Variants in STAB2 observed in about 807,000 individuals in gnomAD.
STAB2 encodes stabilin-2.
In STAB2, 288 loss-of-function variants were observed where a neutral mutation model predicts 338.1. The observed-to-expected ratio is 0.85, with a 90% CI of 0.77 to 0.94. The LOEUF is 0.94. STAB2 is among the 40% of genes least tolerant of loss of function. The pLI is 0.00. For missense variants in STAB2, 3,141 were observed against 3,210.1 expected, an observed-to-expected ratio of 0.98 and a Z score of 0.52; for synonymous variants, 1,202 against 1,193.3, an observed-to-expected ratio of 1.01 and a Z score of -0.15.
At chr12:103,609,311 A>G (rs1386026632) in intron 3 of STAB2, among the ~76,000 whole-genome samples, 1 of 152,178 alleles carries the variant, frequency 6.6e-6, no homozygotes, top group Non-Finnish European at 1.5e-5. Flanking sequence ...GATTCTTCCT[A>G]CCCATGAGCA....
chr12:103,765,434 G>GT (rs1884869315), intron 68 of STAB2, among the ~76,000 whole-genome samples: 1 of 152,194 alleles, frequency 6.6e-6, no homozygotes, highest in African/African-American at 2.4e-5. Context: ...ACTATTTTTA[G>GT]TGACTCCAGA....
chr12:103,603,503 T>C (rs890977124), intron 3 of STAB2, among the ~76,000 whole-genome samples: 4 of 152,238 alleles, frequency 2.6e-5, no homozygotes, highest in Non-Finnish European at 5.9e-5. Context: ...CTTTGGACCA[T>C]CGTAGAAAAT....
At chr12:103,725,778 A>T (rs1004653849) in intron 45 of STAB2, among the ~76,000 whole-genome samples, 5 of 152,242 alleles carry the variant, frequency 3.3e-5, no homozygotes, top group African/African-American at 1.2e-4. Flanking sequence ...GGCTGATCAA[A>T]TATTGTTACT....
chr12:103,683,331 TAAAAAAA>T lies in STAB2; in HGVS notation c.2901+41_2901+47del, dbSNP rs59684257. 4.2e-6 allele frequency: 5 copies of T among 1,198,082 alleles called. No homozygotes were observed. In the African/African-American group the frequency reaches 4.9e-5, roughly 12 times the overall value. 74.2% of individuals were successfully genotyped at this position (1,198,082 alleles called of 1,614,324 possible). ...TTATTTAACCTTGTTTTTCATTACT[TAAAAAAA>T]AAAAAAAAACAATGCTTGAGAAAGA... On this transcript the variant is annotated intron_variant, in intron 26 of 68. Coordinates refer to ENST00000388887, the MANE Select transcript of STAB2 (RefSeq NM_017564.10).
At chr12:103,601,579 G>A (rs944269609) in intron 3 of STAB2, among the ~76,000 whole-genome samples, 5 of 152,194 alleles carry the variant, frequency 3.3e-5, no homozygotes, top group African/African-American at 7.2e-5. Flanking sequence ...GTGACAGAGC[G>A]AGACTCCATG....
At chr12:103,651,125 T>C (rs540497554) in intron 11 of STAB2, among the ~76,000 whole-genome samples, 3 of 152,260 alleles carry the variant, frequency 2.0e-5, no homozygotes, top group South Asian at 2.1e-4. Context: ...GGTGGAGGCG[T>C]CCTATCGAGA....
Position 103,737,759 on chromosome 12 carries a change from C to T in STAB2, c.5676C>T (p.Thr1892=). The T allele has an allele frequency of 1.2e-6, 2 of 1,613,846 alleles. No individual in the cohort carries two copies. The highest frequency in any genetic ancestry group is 2.2e-5 in the East Asian group (1 of 44,884). Residue 1892 remains threonine (T), a synonymous_variant, in exon 53 of 69, where the codon ACC becomes ACT. Coordinates refer to ENST00000388887, the MANE Select transcript of STAB2 (RefSeq NM_017564.10). ...CCACCCTGGGGGGCCGCTGTGACAC[C>T]TTTACTACTTTCGATGCCTCGGTCA... The part of the protein sequence containing the change: ...IDPTLGGRCD[T]FTTFDASGEC...
chr12:103,755,395 G>T lies in STAB2; in HGVS notation c.6808G>T (p.Val2270Phe). 6.2e-7 allele frequency: 1 copy of T among 1,614,158 alleles called. No individual in the cohort carries two copies. Among genetic ancestry groups the T allele is most frequent in the Middle Eastern group, 1.6e-4 (1 of 6,062 alleles). ...FASQNCGSGV[V>F]GIVDYGPRPN... ...CTCCCAGAACTGTGGCTCTGGTGTGGTTGGGATAGTGGACTATGGACCTAG... is the reference window on the plus strand; with the variant it reads ...CTCCCAGAACTGTGGCTCTGGTGTGTTTGGGATAGTGGACTATGGACCTAG... Residue 2270 changes from valine (V) to phenylalanine (F), a missense_variant, in exon 62 of 69, where the codon GTT becomes TTT. By Grantham distance (50) the Val-to-Phe change is conservative. Transcript: ENST00000388887.
At chr12:103,670,886 C>A in intron 22 of STAB2, 79 bp downstream of exon 22, 2 of 1,213,280 alleles carry the variant, frequency 1.6e-6, no homozygotes, top group Non-Finnish European at 2.4e-6. Flanking sequence ...TGGTGCAGGG[C>A]TGGTGTCTCA....
intron 60 of STAB2, among the ~76,000 whole-genome samples, chr12:103,751,002 G>A (rs1257276597): frequency 3.9e-5 from 6 of 152,344 alleles, no homozygotes; most frequent in African/African-American, 1.2e-4. Context: ...TGAGGAAAGC[G>A]AAAAGCCACA....
Position 103,699,149 on chromosome 12 carries a change from T to A in STAB2, c.3636T>A (p.Asn1212Lys). The change falls in exon 34 of 69, where the codon AAT becomes AAA. Residue 1212 changes from asparagine (N) to lysine (K), a missense_variant. Coordinates refer to ENST00000388887, the MANE Select transcript of STAB2 (RefSeq NM_017564.10). ...HVVLEEKLLK[N>K]DLHNGMHRET... ...TCCTGGAGGAGAAACTCCTGAAGAA[T>A]GACCTGCACAATGGCATGCATCGTG... 1 of 1,613,508 alleles carries A rather than the reference T, an allele frequency of 6.2e-7. No individual in the cohort carries two copies. The highest frequency in any genetic ancestry group is 8.5e-7 in the Non-Finnish European group (1 of 1,179,546).
rs915526416 is a variant in STAB2, at chr12:103,637,222, G to A, written c.695G>A (p.Gly232Asp). The A allele has an allele frequency of 1.9e-6, 3 of 1,611,172 alleles. No homozygotes were observed. Among genetic ancestry groups the A allele is most frequent in the South Asian group, 2.2e-5 (2 of 90,472 alleles). ...TGCCTTCCCAATTACCGAGGCGATG[G>A]CAAATACTGCGACCGTGAGTAGAAT... ...CKCLPNYRGDGKYCDPINPCL... is the reference protein window; with the variant it reads ...CKCLPNYRGDDKYCDPINPCL... Residue 232 changes from glycine to aspartate, a missense_variant, in exon 7 of 69, where the codon GGC (glycine) becomes GAC (aspartate). Coordinates refer to ENST00000388887, the MANE Select transcript of STAB2 (RefSeq NM_017564.10).
intron 51 of STAB2, among the ~76,000 whole-genome samples, chr12:103,734,967 T>C (rs1235343498): frequency 6.6e-6 from 1 of 152,210 alleles, no homozygotes; most frequent in Non-Finnish European, 1.5e-5. Context: ...TCACGTAGCA[T>C]TTGCCTCTTC....
At chr12:103,630,449 AG>A (rs1288585021) in intron 5 of STAB2, among the ~76,000 whole-genome samples, 1 of 152,254 alleles carries the variant, frequency 6.6e-6, no homozygotes, top group Non-Finnish European at 1.5e-5. Flanking sequence ...CACGTGTAGT[AG>A]GCAGAAAAAT....
chr12:103,670,531 G>C (rs948633400), intron 21 of STAB2, among the ~76,000 whole-genome samples, 165 bp from the exon 22 acceptor site: 3 of 152,192 alleles, frequency 2.0e-5, no homozygotes, highest in African/African-American at 7.2e-5. Flanking sequence ...GCTCGGCACT[G>C]CTTTAGCAGC....
rs780034533 is a variant in STAB2 at position 103,727,392 on chromosome 12, G to A, written c.4935+42G>A. The A allele has an allele frequency of 2.5e-6, 4 of 1,602,754 alleles. No homozygotes were observed. In the Admixed American group the frequency reaches 6.7e-5, roughly 27 times the overall value. ...GGGCAGAAGGGGGAGGTCTGCGGCTGGAACATAGTCCTTGGGCCTCGCCCT... is the reference window on the plus strand; with the variant it reads ...GGGCAGAAGGGGGAGGTCTGCGGCTAGAACATAGTCCTTGGGCCTCGCCCT... On this transcript the variant is annotated intron_variant, in intron 47 of 68. Transcript: ENST00000388887.
intron 6 of STAB2, among the ~76,000 whole-genome samples, chr12:103,634,768 A>G (rs1240820313): frequency 6.6e-6 from 1 of 152,246 alleles, no homozygotes; most frequent in Non-Finnish European, 1.5e-5. Flanking sequence ...TTAGGGATCC[A>G]GATCTTTCCA....
At chr12:103,764,703 G>T (rs1406304415) in intron 68 of STAB2, among the ~76,000 whole-genome samples, 1 of 152,098 alleles carries the variant, frequency 6.6e-6, no homozygotes, top group Admixed American at 6.5e-5. Flanking sequence ...TCATGCCTGT[G>T]GTAACAGATT....
chr12:103,686,300 T>TCTA (rs963154152), intron 27 of STAB2, among the ~76,000 whole-genome samples: 3 of 152,152 alleles, frequency 2.0e-5, no homozygotes, highest in African/African-American at 7.2e-5. Flanking sequence ...AACTGTGCCT[T>TCTA]CTACTCACCG....
Sources: gnomAD v4.1 joint callset for allele counts (sites outside exome capture counted in the v4.1 genomes callset) on GRCh38, gnomAD v4.1.1 for gene constraint, MANE v1.5 for transcripts, NCBI Gene and HGNC (gene_info 2026-07-23, HGNC 2026-07-21) for gene names.